The following RPRD1A variants were observed in gnomAD, a reference collection of about 807,000 sequenced individuals.
RPRD1A encodes regulation of nuclear pre-mRNA domain containing 1A, also known as regulation of nuclear pre-mRNA domain-containing protein 1A.
RPRD1A carries 9 observed loss-of-function variants against 37.8 expected under a neutral mutation model. That is an observed-to-expected ratio of 0.24 (90% CI 0.14 to 0.42). The LOEUF is 0.42. Ranked by LOEUF, RPRD1A falls within the 10% of genes least tolerant of loss-of-function variation. The probability of loss-of-function intolerance (pLI) is 1.00; values close to 1 mark genes in which losing one functional copy is unlikely to be tolerated. For synonymous variants in RPRD1A, 138 were observed against 139.7 expected, an observed-to-expected ratio of 0.99 and a Z score of 0.08; for missense variants, 255 against 371.0, an observed-to-expected ratio of 0.69 and a Z score of 2.57.
chr18:36,058,289 C>T (rs1232996964), intron 1 of RPRD1A, among the ~76,000 whole-genome samples: 4 of 152,092 alleles, frequency 2.6e-5, no homozygotes, highest in African/African-American at 7.2e-5. Context: ...ACAATCCACC[C>T]GCCTCAGCCT....
intron 6 of RPRD1A, among the ~76,000 whole-genome samples, chr18:36,008,844 G>A (rs1319789484): frequency 6.6e-6 from 1 of 151,626 alleles, no homozygotes; most frequent in African/African-American, 2.4e-5. Context: ...TCATTTCACA[G>A]CCATTATGGT....
intron 1 of RPRD1A, among the ~76,000 whole-genome samples, chr18:36,055,527 T>C (rs1913702321): frequency 6.6e-6 from 1 of 152,220 alleles, no homozygotes. Context: ...CATCATGAAG[T>C]GACATCTGAA....
At chr18:36,031,153 T>C (rs1331126747) in intron 2 of RPRD1A, 56 bp from the exon 3 acceptor site, 3 of 1,455,624 alleles carry the variant, frequency 2.1e-6, no homozygotes, top group East Asian at 4.9e-5. Context: ...ATGCATAGTG[T>C]TATTGAAAAG....
chr18:36,032,177 G>A (rs954204970), intron 2 of RPRD1A, among the ~76,000 whole-genome samples: 2 of 152,054 alleles, frequency 1.3e-5, no homozygotes, highest in African/African-American at 4.8e-5. Context: ...GCTAGCATTT[G>A]TCATCTGACA....
intron 6 of RPRD1A, among the ~76,000 whole-genome samples, chr18:36,006,493 G>A (rs944963093): frequency 3.9e-5 from 6 of 152,158 alleles, no homozygotes; most frequent in African/African-American, 1.4e-4. Context: ...ACTGTGCTTG[G>A]CCATAGCAAG....
At chr18:36,000,316 T>G (rs138199595) in intron 6 of RPRD1A, among the ~76,000 whole-genome samples, 6 of 152,318 alleles carry the variant, frequency 3.9e-5, no homozygotes, top group African/African-American at 1.4e-4. Context: ...ACATCTCAGA[T>G]GGAGCTGTCA....
At chr18:36,019,200 C>T (rs933679026) in intron 6 of RPRD1A, among the ~76,000 whole-genome samples, 5 of 151,090 alleles carry the variant, frequency 3.3e-5, no homozygotes, top group Non-Finnish European at 7.4e-5. Flanking sequence ...CTCCACCTCC[C>T]GGGTTCACGC....
intron 1 of RPRD1A, among the ~76,000 whole-genome samples, chr18:36,048,679 A>G (rs1913140483): frequency 6.6e-6 from 1 of 152,068 alleles, no homozygotes; most frequent in East Asian, 1.9e-4. Context: ...TACAGCTAAC[A>G]TTACATCTAA....
At chr18:36,021,190 C>G (rs1910969483) in intron 6 of RPRD1A, among the ~76,000 whole-genome samples, 1 of 152,070 alleles carries the variant, frequency 6.6e-6, no homozygotes, top group African/African-American at 2.4e-5. Context: ...ACAGCCATAC[C>G]TCGTTTTATC....
chr18:36,027,171 T>C lies in RPRD1A; in HGVS notation c.613+13A>G. ...CTCCCAAAAAAGTTCTGGATCACAT[T>C]TTCTTTTCTTACCTGTTATTTTATC... On this transcript the variant is annotated intron_variant, in intron 5 of 6. Transcript: ENST00000399022. 2.5e-6 allele frequency: 4 copies of C among 1,613,624 alleles called. No homozygotes were observed. Among genetic ancestry groups the C allele is most frequent in the Non-Finnish European group, 3.4e-6 (4 of 1,179,684 alleles).
At chr18:36,041,882 G>C (rs1912607965) in intron 1 of RPRD1A, among the ~76,000 whole-genome samples, 1 of 152,324 alleles carries the variant, frequency 6.6e-6, no homozygotes, top group Non-Finnish European at 1.5e-5. Flanking sequence ...GCAGAGGTGG[G>C]TGAAAAGTGG....
At chr18:36,024,764 CCT>C (rs1294792752) in intron 6 of RPRD1A, 5 of 152,280 alleles carry the variant, frequency 3.3e-5, no homozygotes, top group Admixed American at 2.6e-4. Flanking sequence ...TAAATCTTCA[CCT>C]CTCAGTCTCA....
intron 6 of RPRD1A, among the ~76,000 whole-genome samples, chr18:36,019,603 A>C (rs1910853536): frequency 6.6e-6 from 1 of 152,220 alleles, no homozygotes; most frequent in African/African-American, 2.4e-5. Flanking sequence ...TAATTAAGAC[A>C]TAAAAAGTCT....
intron 6 of RPRD1A, among the ~76,000 whole-genome samples, chr18:36,000,818 C>T (rs77585599): frequency 0.012 from 1,782 of 152,290 alleles, 44 homozygotes; most frequent in African/African-American, 0.04. Context: ...GGGGCTCCAA[C>T]TTAAGATAAT....
chr18:36,041,329 C>T (rs1192495574), intron 1 of RPRD1A, among the ~76,000 whole-genome samples: 1 of 152,096 alleles, frequency 6.6e-6, no homozygotes, highest in Non-Finnish European at 1.5e-5. Flanking sequence ...GAACCCTTTT[C>T]TCCGAATTCT....
At chr18:36,055,827 T>C (rs1598665790) in intron 1 of RPRD1A, among the ~76,000 whole-genome samples, 1 of 151,810 alleles carries the variant, frequency 6.6e-6, no homozygotes, top group Admixed American at 6.6e-5. Flanking sequence ...TAATAAAGAG[T>C]ATAACAGTGC....
At chr18:36,030,451 C>T (rs954958400) in intron 4 of RPRD1A, among the ~76,000 whole-genome samples, 2 of 151,700 alleles carry the variant, frequency 1.3e-5, no homozygotes, top group African/African-American at 4.8e-5. Context: ...CCACTGAACT[C>T]CAGCCCTGGG....
intron 5 of RPRD1A, 49 bp from the exon 6 acceptor site, chr18:36,027,124 A>ATATG (rs747020781): frequency 6.2e-7 from 1 of 1,612,578 alleles, no homozygotes; most frequent in South Asian, 1.1e-5. Context: ...AAACAATGAC[A>ATATG]TATGCTGTTC....
chr18:36,048,600 G>A (rs1335830154), intron 1 of RPRD1A, among the ~76,000 whole-genome samples: 1 of 139,392 alleles, frequency 7.2e-6, no homozygotes, highest in East Asian at 2.1e-4. Context: ...AAATCCCTCA[G>A]AAATCAAGAA....
Sources: allele counts gnomAD v4.1 joint callset (sites outside exome capture counted in the v4.1 genomes callset), GRCh38; gene constraint gnomAD v4.1.1; transcripts MANE v1.5; gene names NCBI Gene and HGNC (gene_info 2026-07-23, HGNC 2026-07-21).